The following TRIM29 variants were observed in gnomAD, a reference collection of about 807,000 sequenced individuals.
The protein encoded by TRIM29 is tripartite motif-containing protein 29.
Under a neutral mutation model 57.3 loss-of-function variants are expected in TRIM29, and 52 were observed. The observed-to-expected ratio is 0.91, with a 90% CI of 0.73 to 1.14. TRIM29 has a LOEUF of 1.14. Among genes scored for constraint, TRIM29 ranks in the 50% most tolerant of loss-of-function variants. The pLI is 0.00. For synonymous variants in TRIM29, 319 were observed against 316.9 expected (o/e 1.01, Z -0.07); for missense variants, 753 against 774.6 (o/e 0.97, Z 0.33).
At chr11:120,127,820 T>C (rs1863627018) in intron 2 of TRIM29, among the ~76,000 whole-genome samples, 1 of 152,128 alleles carries the variant, frequency 6.6e-6, no homozygotes, top group Non-Finnish European at 1.5e-5. Flanking sequence ...CTTGGTGGGT[T>C]GATATGAGCC....
intron 1 of TRIM29, among the ~76,000 whole-genome samples, chr11:120,131,073 G>A (rs1284653867): frequency 6.6e-6 from 1 of 152,146 alleles, no homozygotes; most frequent in Non-Finnish European, 1.5e-5. Context: ...GACAAAAGGG[G>A]ATGAGGGTGG....
chr11:120,118,004 C>A (rs538897495), intron 7 of TRIM29: 237 of 575,862 alleles, frequency 4.1e-4, no homozygotes, highest in Non-Finnish European at 5.8e-4. Flanking sequence ...GACTAGAGAG[C>A]GGTGAAACAA....
intron 3 of TRIM29, 148 bp from the exon 4 acceptor site, chr11:120,126,037 T>C: frequency 1.2e-6 from 1 of 811,886 alleles, no homozygotes; most frequent in Non-Finnish European, 1.9e-6. Context: ...TTCTGTAACA[T>C]GAAAAGGTTC....
At chr11:120,115,123 G>A (rs906387872) in intron 8 of TRIM29, among the ~76,000 whole-genome samples, 2 of 152,240 alleles carry the variant, frequency 1.3e-5, no homozygotes, top group Non-Finnish European at 2.9e-5. Flanking sequence ...GAGGTCCAGA[G>A]AGTGTATGCT....
intron 1 of TRIM29, among the ~76,000 whole-genome samples, chr11:120,133,557 T>G (rs1863758484): frequency 6.6e-6 from 1 of 151,994 alleles, no homozygotes; most frequent in South Asian, 2.1e-4. Context: ...TCACCCACCC[T>G]GTCCCAGGGC....
At position 120,118,273 on chromosome 11, in the gene TRIM29, G is replaced by T; in HGVS notation, c.1577C>A (p.Ser526Tyr). Residue 526 changes from serine (S) to tyrosine (Y), a missense_variant, in exon 7 of 9, where the codon TCT becomes TAT. By Grantham distance (144) the Ser-to-Tyr change is moderately radical. Coordinates refer to ENST00000341846, the MANE Select transcript of TRIM29 (RefSeq NM_012101.4). ...VWEYSSSIQNSDNDLPVVQGS... is the reference protein window; with the variant it reads ...VWEYSSSIQNYDNDLPVVQGS... Reference sequence around the variant, plus strand: ...TTGGACGACGGGCAGGTCATTGTCAGAGTTCTGAATGCTGGAGGAGTACTC... The same window carrying T: ...TTGGACGACGGGCAGGTCATTGTCATAGTTCTGAATGCTGGAGGAGTACTC... The T allele has an allele frequency of 1.2e-6, 2 of 1,614,086 alleles. No individual in the cohort carries two copies. The highest frequency in any genetic ancestry group is 1.7e-6 in the Non-Finnish European group (2 of 1,179,978).
At chr11:120,133,730 A>G (rs576985587) in intron 1 of TRIM29, among the ~76,000 whole-genome samples, 11 of 152,378 alleles carry the variant, frequency 7.2e-5, no homozygotes, top group African/African-American at 2.6e-4. Flanking sequence ...GCCCATGCCC[A>G]GCAGCCAGTG....
intron 1 of TRIM29, chr11:120,128,698 A>G: frequency 6.5e-7 from 1 of 1,535,642 alleles, no homozygotes; most frequent in Non-Finnish European, 8.7e-7. Context: ...GCAGTAAGTT[A>G]AATACCATCT....
chr11:120,138,063 T>C lies in TRIM29; in HGVS notation c.-32A>G. Reference sequence around the variant, plus strand: ...GTGCTTGGCTGAGCTGTTTCAGGCTTGCTGGGGTTCAGGATAGGTGACCTT... The same window carrying C: ...GTGCTTGGCTGAGCTGTTTCAGGCTCGCTGGGGTTCAGGATAGGTGACCTT... On this transcript the variant is annotated 5_prime_UTR_variant, in exon 1 of 9. Coordinates refer to ENST00000341846, the MANE Select transcript of TRIM29 (RefSeq NM_012101.4). The C allele has an allele frequency of 7.7e-6, 12 of 1,556,286 alleles. No homozygotes were observed. The highest frequency in any genetic ancestry group is 1.0e-5 in the Non-Finnish European group (12 of 1,158,318).
chr11:120,130,941 C>T (rs1322059681), intron 1 of TRIM29, among the ~76,000 whole-genome samples: 1 of 152,126 alleles, frequency 6.6e-6, no homozygotes, highest in South Asian at 2.1e-4. Context: ...TGTCCGGACA[C>T]AGAGTGAACA....
At chr11:120,132,174 C>T (rs1466010691) in intron 1 of TRIM29, among the ~76,000 whole-genome samples, 1 of 151,726 alleles carries the variant, frequency 6.6e-6, no homozygotes, top group Non-Finnish European at 1.5e-5. Context: ...CTCCCTTCAC[C>T]TTGCAGATGG....
intron 8 of TRIM29, chr11:120,113,403 A>G (rs551095839): frequency 8.0e-4 from 234 of 291,102 alleles, no homozygotes; most frequent in African/African-American, 4.5e-3. Flanking sequence ...GCTGCTGCTC[A>G]CCCACGCAAG....
rs1011600986 is a variant in TRIM29, at chr11:120,112,288, G to A, written c.*126C>T. On this transcript the variant is annotated 3_prime_UTR_variant, in exon 9 of 9. Coordinates refer to ENST00000341846, the MANE Select transcript of TRIM29 (RefSeq NM_012101.4). ...ACTGCCCCCAAGAGGCTGGCAGAGG[G>A]CTGCAGAGGGCAGGTGCAGGACCAG... 6 of 1,115,012 alleles carry A rather than the reference G, an allele frequency of 5.4e-6. No individual in the cohort carries two copies. Among genetic ancestry groups the A allele is most frequent in the Non-Finnish European group, 6.5e-6 (5 of 769,054 alleles). The allele number at this position is 1,115,012 out of a possible 1,614,324, so 69.1% of individuals were successfully genotyped here. A position where few individuals can be genotyped will look rare whatever the true frequency, so the allele number is the denominator to read the frequency against.
At position 120,126,068 on chromosome 11, in the gene TRIM29, T is replaced by C. The variant is rs1304208937; in HGVS notation, c.1135-179A>G. On this transcript the variant is annotated intron_variant, in intron 3 of 8. Coordinates refer to ENST00000341846, the MANE Select transcript of TRIM29 (RefSeq NM_012101.4). ...GGTTCAACTAAAAGCCACTGGATGC[T>C]AACATCCCTGATGGCACTAGCGTTC... 10 of 637,054 alleles carry C rather than the reference T, an allele frequency of 1.6e-5. No homozygotes were observed. The Admixed American group carries it at 3.0e-4, about 19-fold the overall frequency. The allele number at this position is 637,054 out of a possible 1,614,324, so 39.5% of individuals were successfully genotyped here.
At chr11:120,114,619 G>A (rs775565593) in intron 8 of TRIM29, among the ~76,000 whole-genome samples, 13 of 152,228 alleles carry the variant, frequency 8.5e-5, no homozygotes, top group Admixed American at 2.0e-4. Flanking sequence ...TGGGGGCTCT[G>A]CATGTGAACT....
intron 7 of TRIM29, 145 bp downstream of exon 7, chr11:120,118,078 G>A: frequency 1.4e-6 from 1 of 738,260 alleles, no homozygotes. Context: ...AAAGACCATG[G>A]CGGTAGCTCC....
At chr11:120,132,235 C>T (rs965913295) in intron 1 of TRIM29, among the ~76,000 whole-genome samples, 2 of 151,260 alleles carry the variant, frequency 1.3e-5, no homozygotes, top group Non-Finnish European at 2.9e-5. Flanking sequence ...CCTCCCAGCA[C>T]CCTCCCCATT....
chr11:120,132,123 C>T (rs760001763), intron 1 of TRIM29, among the ~76,000 whole-genome samples: 3 of 151,378 alleles, frequency 2.0e-5, no homozygotes, highest in East Asian at 2.0e-4. Flanking sequence ...TCTGTGGCAT[C>T]GTCCTTCCCC....
chr11:120,118,694 C>T (rs1863351806), intron 6 of TRIM29: 1 of 210,294 alleles, frequency 4.8e-6, no homozygotes, highest in African/African-American at 2.4e-5. Flanking sequence ...CAGGCTAAGC[C>T]TCAGTGTCTG....
Sources: allele counts gnomAD v4.1 joint callset (sites outside exome capture counted in the v4.1 genomes callset), GRCh38; gene constraint gnomAD v4.1.1; transcripts MANE v1.5; gene names NCBI Gene and HGNC (gene_info 2026-07-23, HGNC 2026-07-21).